Variants in PIGN observed in about 807,000 individuals in gnomAD.
The protein encoded by PIGN is phosphatidylinositol glycan anchor biosynthesis class N.
A neutral mutation model predicts 125.4 loss-of-function variants in PIGN; 117 were observed. The observed-to-expected ratio is 0.93, with a 90% confidence interval of 0.80 to 1.09. The LOEUF (loss-of-function observed/expected upper bound fraction) is 1.09. PIGN is among the 50% of genes least tolerant of loss of function. The pLI, the probability that PIGN is intolerant of heterozygous loss-of-function variation, is 0.00. For missense variants in PIGN, 1,075 were observed against 1,094.9 expected (o/e 0.98, Z 0.26); for synonymous variants, 392 against 377.8 (o/e 1.04, Z -0.44).
intron 28 of PIGN, among the ~76,000 whole-genome samples, chr18:62,080,569 G>A (rs1354923128): frequency 6.6e-6 from 1 of 152,140 alleles, no homozygotes; most frequent in African/African-American, 2.4e-5. Context: ...AAGGAGAATC[G>A]GCTGACATAT....
intron 23 of PIGN, among the ~76,000 whole-genome samples, chr18:62,020,909 C>T (rs1021261075): frequency 2.7e-5 from 4 of 150,416 alleles, no homozygotes; most frequent in South Asian, 4.2e-4. Flanking sequence ...TGCAGTGAGC[C>T]GAGATCGCGC....
intron 14 of PIGN, 58 bp downstream of exon 14, chr18:62,138,185 T>C (rs2036003301): frequency 6.5e-7 from 1 of 1,535,374 alleles, no homozygotes; most frequent in Admixed American, 2.1e-5. Flanking sequence ...AGTGAAAAAT[T>C]GCAAACTCAG....
intron 23 of PIGN, among the ~76,000 whole-genome samples, chr18:62,035,407 A>G (rs1013793566): frequency 6.6e-6 from 1 of 152,222 alleles, no homozygotes; most frequent in Non-Finnish European, 1.5e-5. Flanking sequence ...TGAACAAAAC[A>G]TTGTAACTCA....
chr18:62,048,969 T>A (rs1348309520), intron 30 of PIGN, among the ~76,000 whole-genome samples: 1 of 150,408 alleles, frequency 6.6e-6, no homozygotes, highest in Non-Finnish European at 1.5e-5. Context: ...TTTTTGTCCT[T>A]GCGATAGTTT....
chr18:62,183,397 C>A (rs2037786006), intron 1 of PIGN, among the ~76,000 whole-genome samples: 2 of 152,088 alleles, frequency 1.3e-5, no homozygotes, highest in Admixed American at 6.6e-5. Context: ...TACTTTGTAA[C>A]ATCTCACATC....
chr18:62,186,090 G>A (rs1269759479), intron 1 of PIGN, among the ~76,000 whole-genome samples: 1 of 129,818 alleles, frequency 7.7e-6, no homozygotes, highest in Non-Finnish European at 1.6e-5. Flanking sequence ...TCGTTCTGTC[G>A]CCCAGGCTGG....
chr18:62,066,712 G>A (rs1232833963), intron 30 of PIGN, among the ~76,000 whole-genome samples: 1 of 152,190 alleles, frequency 6.6e-6, no homozygotes, highest in African/African-American at 2.4e-5. Context: ...GACCTTGTGG[G>A]AGGCTCTCTG....
intron 6 of PIGN, among the ~76,000 whole-genome samples, chr18:62,156,538 C>A (rs1046335553): frequency 6.6e-6 from 1 of 152,016 alleles, no homozygotes; most frequent in Non-Finnish European, 1.5e-5. Flanking sequence ...ACCTTGTTGC[C>A]CAGACTGGTC....
intron 30 of PIGN, among the ~76,000 whole-genome samples, chr18:62,067,169 G>A (rs942061575): frequency 6.6e-6 from 1 of 152,010 alleles, no homozygotes; most frequent in African/African-American, 2.4e-5. Flanking sequence ...TAGATCTTCT[G>A]GTGGTTACCC....
In PIGN at chr18:62,043,855, G is replaced by A. The variant is rs1353118368; in HGVS notation, c.*2001C>T. ...CATTGTTAATCAGCAAATGTCCTAA[G>A]TCTTGATTCAGAAATCTATGGCATA... is the stretch of plus-strand genomic sequence containing the variant. On this transcript the variant is annotated 3_prime_UTR_variant, in exon 31 of 31. Coordinates refer to ENST00000640252, the MANE Select transcript of PIGN (RefSeq NM_176787.5). The A allele has an allele frequency of 1.3e-5, 2 of 152,124 alleles. No individual in the cohort carries two copies. Among genetic ancestry groups the A allele is most frequent in the African/African-American group, 4.8e-5 (2 of 41,416 alleles). 9.4% of individuals were successfully genotyped at this position (152,124 alleles called of 1,614,324 possible).
intron 1 of PIGN, among the ~76,000 whole-genome samples, chr18:62,179,446 T>C (rs2037640327): frequency 1.3e-5 from 2 of 152,218 alleles, no homozygotes; most frequent in Non-Finnish European, 2.9e-5. Context: ...AATTGTGTAA[T>C]TAAAAGCCAT....
intron 26 of PIGN, among the ~76,000 whole-genome samples, 193 bp from the exon 27 acceptor site, chr18:62,084,799 A>G (rs1481218342): frequency 6.6e-6 from 1 of 152,206 alleles, no homozygotes; most frequent in Non-Finnish European, 1.5e-5. Context: ...TCCAAAATAT[A>G]TCATTCAGTA....
At chr18:62,177,137 A>G (rs543355270) in intron 1 of PIGN, among the ~76,000 whole-genome samples, 2 of 152,290 alleles carry the variant, frequency 1.3e-5, no homozygotes, top group East Asian at 3.9e-4. Context: ...ATTGGCATAA[A>G]CCATATTAAA....
chr18:62,074,922 G>T, intron 28 of PIGN, 101 bp from the exon 29 acceptor site: 1 of 741,684 alleles, frequency 1.3e-6, no homozygotes, highest in Admixed American at 2.6e-5. Context: ...TAGTATTGTT[G>T]GTATTTTTGC....
At chr18:62,131,043 G>GT (rs2035717241) in intron 14 of PIGN, among the ~76,000 whole-genome samples, 1 of 151,930 alleles carries the variant, frequency 6.6e-6, no homozygotes, top group Non-Finnish European at 1.5e-5. Flanking sequence ...AGAAAATTAT[G>GT]TTTCTTACAA....
rs1351709084 is a variant in PIGN at position 62,150,925 on chromosome 18, C to G, written c.550-2587G>C. Among the ~76,000 whole-genome samples, 3 of 152,098 alleles carry G rather than the reference C, an allele frequency of 2.0e-5. No individual in the cohort carries two copies. The East Asian group carries it at 5.8e-4, about 29-fold the overall frequency. ...CCATGTTGGCCAGGATGGTCTCAAT[C>G]TCTTGAGAACGTGATCCACCCGCCT... On this transcript the variant is annotated intron_variant, in intron 7 of 30. Transcript: ENST00000640252.
chr18:62,094,930 T>C (rs1184464484), intron 23 of PIGN, among the ~76,000 whole-genome samples: 6 of 152,170 alleles, frequency 3.9e-5, no homozygotes, highest in Admixed American at 2.6e-4. Flanking sequence ...ACTTAGGGTG[T>C]TAGAGTCTAC....
At position 62,110,189 on chromosome 18, in the gene PIGN, A is replaced by G. The variant is rs1426516892; in HGVS notation, c.1435-216T>C. The G allele has an allele frequency of 7.1e-6, 3 of 420,424 alleles. No individual in the cohort carries two copies. In the East Asian group the frequency reaches 1.1e-4, roughly 16 times the overall value. 26.0% of individuals were successfully genotyped at this position (420,424 alleles called of 1,614,324 possible). Reference sequence around the variant, plus strand: ...ACCTAGATAACCTGGAATTGCTGCAATTAAGCAATTCTCAACTTAAAAGTG... The same window carrying G: ...ACCTAGATAACCTGGAATTGCTGCAGTTAAGCAATTCTCAACTTAAAAGTG... On this transcript the variant is annotated intron_variant, in intron 16 of 30. Coordinates refer to ENST00000640252, the MANE Select transcript of PIGN (RefSeq NM_176787.5).
chr18:62,095,828 A>G lies in PIGN; in HGVS notation c.2180+20T>C. ...TTTAAAACTTGCTGCTATAAAATTA[A>G]ATTGTTAAAAAGTTTATACCCTGTG... is the stretch of plus-strand genomic sequence containing the variant. On this transcript the variant is annotated intron_variant, in intron 23 of 30. Transcript: ENST00000640252. The G allele has an allele frequency of 2.9e-6, 4 of 1,372,474 alleles. No homozygotes were observed. Among genetic ancestry groups the G allele is most frequent in the Non-Finnish European group, 4.2e-6 (4 of 963,250 alleles). 85.0% of individuals were successfully genotyped at this position (1,372,474 alleles called of 1,614,324 possible). A position where few individuals can be genotyped will look rare whatever the true frequency, so the allele number is the denominator to read the frequency against.
Sources: gnomAD v4.1 joint callset for allele counts (sites outside exome capture counted in the v4.1 genomes callset) on GRCh38, gnomAD v4.1.1 for gene constraint, MANE v1.5 for transcripts, NCBI Gene and HGNC (gene_info 2026-07-23, HGNC 2026-07-21) for gene names.